ZC3H12B: variants seen among roughly 807,000 people sequenced by gnomAD.
The protein encoded by ZC3H12B is probable ribonuclease ZC3H12B.
ZC3H12B carries 7 observed loss-of-function variants against 43.9 expected under a neutral mutation model. That is an observed-to-expected ratio of 0.16 (90% CI 0.09 to 0.30). The LOEUF (loss-of-function observed/expected upper bound fraction) is 0.30, where lower values mean the gene tolerates loss of function less well. ZC3H12B is among the 10% of genes least tolerant of loss of function. ZC3H12B has a pLI of 1.00. For missense variants in ZC3H12B, 475 were observed against 670.2 expected (o/e 0.71, Z 3.22); for synonymous variants, 222 against 241.7 (o/e 0.92, Z 0.76).
the ZC3H12B span, among the ~76,000 whole-genome samples, chrX:65,349,106 C>G: frequency 9.0e-6 from 1 of 111,708 alleles, no homozygotes; most frequent in Non-Finnish European, 1.9e-5. Context: ...CTATAATTGA[C>G]CACGTAATTG....
chrX:65,352,905 C>T, the ZC3H12B span, among the ~76,000 whole-genome samples: 3 of 111,548 alleles, frequency 2.7e-5, no homozygotes, highest in Admixed American at 2.9e-4. Context: ...TGGAATGCAG[C>T]GGCATGATCA....
the ZC3H12B span, among the ~76,000 whole-genome samples, chrX:65,206,531 A>T: frequency 8.9e-6 from 1 of 112,389 alleles, no homozygotes; most frequent in African/African-American, 3.2e-5. Flanking sequence ...TTAAGGATTT[A>T]AATGTAAGAC....
In ZC3H12B at chrX:65,378,355, T is replaced by C. The variant is rs183816327; in HGVS notation, n.295+9357T>C. 2.7e-5 allele frequency among the ~76,000 whole-genome samples: 3 copies of C among 111,686 alleles called. No homozygotes were observed. In the East Asian group the frequency reaches 8.4e-4, roughly 31 times the overall value. On this transcript the variant is annotated intron_variant and non_coding_transcript_variant, in intron 2 of 5. Coordinates refer to the ZC3H12B transcript ENST00000617377. ...TAGAGTGTTTTTTAGTTTACTTTAT[T>C]CTTGTTTGTTTAGATAAAGAGTGTT...
intron 3 of ZC3H12B, among the ~76,000 whole-genome samples, chrX:65,409,086 T>C (rs751576185): frequency 9.0e-6 from 1 of 111,567 alleles, no homozygotes; most frequent in African/African-American, 3.3e-5. Context: ...GCTTTAATTC[T>C]AGTATGCATT....
chrX:65,118,847 T>G, the ZC3H12B span, among the ~76,000 whole-genome samples: 150 of 91,981 alleles, frequency 1.6e-3, 1 homozygote, highest in Non-Finnish European at 3.0e-3. Context: ...CCCCTTCCTG[T>G]GTCCATGTGT....
intron 2 of ZC3H12B, among the ~76,000 whole-genome samples, chrX:65,372,132 C>A (rs1231659908): frequency 8.9e-6 from 1 of 112,108 alleles, no homozygotes; most frequent in East Asian, 2.8e-4. Flanking sequence ...AAAGAAACTA[C>A]ATTTCCCTTT....
At chrX:65,452,435 G>A (rs965535949) in intron 3 of ZC3H12B, among the ~76,000 whole-genome samples, 1 of 106,774 alleles carries the variant, frequency 9.4e-6, no homozygotes, top group East Asian at 2.9e-4. Context: ...TTTTACAATA[G>A]CTGAAAAAAA....
the ZC3H12B span, among the ~76,000 whole-genome samples, chrX:65,166,455 T>C: frequency 8.9e-6 from 1 of 111,998 alleles, no homozygotes; most frequent in East Asian, 2.8e-4. Flanking sequence ...TGATGGACAT[T>C]TGGGTTCGTT....
At chrX:65,141,098 A>G in the ZC3H12B span, among the ~76,000 whole-genome samples, 1 of 110,228 alleles carries the variant, frequency 9.1e-6, no homozygotes, top group African/African-American at 3.3e-5. Context: ...TCCTTCTACA[A>G]TGGGTTTTTT....
At chrX:65,427,157 T>C (rs746351270) in intron 3 of ZC3H12B, among the ~76,000 whole-genome samples, 1 of 111,962 alleles carries the variant, frequency 8.9e-6, no homozygotes, top group South Asian at 3.7e-4. Flanking sequence ...TGGGTGCATA[T>C]ATATTTAGGA....
the ZC3H12B span, among the ~76,000 whole-genome samples, chrX:65,075,701 C>T: frequency 8.9e-6 from 1 of 111,739 alleles, no homozygotes; most frequent in Non-Finnish European, 1.9e-5. Context: ...TAAACTTTTG[C>T]CCTTGTTCTC....
chrX:65,294,991 GA>G, the ZC3H12B span, among the ~76,000 whole-genome samples: 22 of 102,463 alleles, frequency 2.1e-4, no homozygotes, highest in Admixed American at 9.4e-4. Context: ...CTATATCCTA[GA>G]AAAAAAAAAG....
Position 65,463,174 on chromosome X carries a change from C to T in ZC3H12B, n.408-25472C>T, listed in dbSNP as rs1196285642. 2.7e-5 allele frequency among the ~76,000 whole-genome samples: 3 copies of T among 111,810 alleles called. No homozygotes were observed. In the Admixed American group the frequency reaches 2.8e-4, roughly 11 times the overall value. On this transcript the variant is annotated intron_variant and non_coding_transcript_variant, in intron 3 of 5. Transcript: ENST00000617377. ...AAAACTAACTCTTGAGTACTATGCTCACTACCTGGGTAATGGGATTAAACA... is the reference window on the plus strand; with the variant it reads ...AAAACTAACTCTTGAGTACTATGCTTACTACCTGGGTAATGGGATTAAACA...
Position 65,502,418 on chromosome X carries a change from G to T in ZC3H12B, c.1720G>T (p.Val574Leu), listed in dbSNP as rs757411200. 9.9e-6 allele frequency: 12 copies of T among 1,208,899 alleles called. No individual in the cohort carries two copies. The East Asian group carries it at 3.6e-4, about 36-fold the overall frequency. ...TTACATGGCTGAAGTAGACCGGGGGGTGTATGCCCGGAATCCTAACCTCTG... is the reference window on the plus strand; with the variant it reads ...TTACATGGCTGAAGTAGACCGGGGGTTGTATGCCCGGAATCCTAACCTCTG... Residue 574 changes from valine to leucine, a missense_variant, in exon 5 of 5, where the codon GTG (valine) becomes TTG (leucine). By Grantham distance (32) the Val-to-Leu change is conservative. Around this residue, in one of 3 missense-constraint regions of ZC3H12B, gnomAD observed 289 missense variants for 359.9 expected, o/e 0.80. Transcript: ENST00000338957.
intron 3 of ZC3H12B, among the ~76,000 whole-genome samples, chrX:65,422,045 G>A (rs2067024393): frequency 8.9e-6 from 1 of 111,838 alleles, no homozygotes. Flanking sequence ...TAGTTTGATA[G>A]CATGGTGGAA....
the ZC3H12B span, among the ~76,000 whole-genome samples, chrX:65,323,232 G>C: frequency 8.9e-6 from 1 of 112,106 alleles, no homozygotes; most frequent in Non-Finnish European, 1.9e-5. Flanking sequence ...CTGGATCTTA[G>C]ATAAAAGGGT....
At chrX:65,337,632 A>G in the ZC3H12B span, among the ~76,000 whole-genome samples, 1 of 112,703 alleles carries the variant, frequency 8.9e-6, no homozygotes, top group African/African-American at 3.2e-5. Flanking sequence ...ACAAGTAGAT[A>G]CAATTATTGT....
chrX:65,367,998 C>T, intron 1 of ZC3H12B, among the ~76,000 whole-genome samples: 1 of 111,656 alleles, frequency 9.0e-6, no homozygotes, highest in Non-Finnish European at 1.9e-5. Flanking sequence ...CTTTGTTAGG[C>T]CATACTTTGC....
At chrX:65,419,035 G>A (rs749601838) in intron 3 of ZC3H12B, among the ~76,000 whole-genome samples, 1 of 111,337 alleles carries the variant, frequency 9.0e-6, no homozygotes, top group African/African-American at 3.3e-5. Context: ...CTCAGACAGA[G>A]TAGGGGCTTA....
Sources: allele counts gnomAD v4.1 joint callset (sites outside exome capture counted in the v4.1 genomes callset), GRCh38; gene constraint gnomAD v4.1.1; regional missense constraint gnomAD v4.1.1; transcripts MANE v1.5; gene names NCBI Gene and HGNC (gene_info 2026-07-23, HGNC 2026-07-21).